The following TMEM131 variants were observed in gnomAD, a reference collection of about 807,000 sequenced individuals.
TMEM131 encodes the protein 2610524E03Rik.
TMEM131 carries 66 observed loss-of-function variants against 211.6 expected under a neutral mutation model. The observed-to-expected ratio is 0.31, with a 90% CI of 0.26 to 0.38. The LOEUF is 0.38. Ranked by LOEUF, TMEM131 falls within the 10% of genes least tolerant of loss-of-function variation. The probability of loss-of-function intolerance (pLI) is 1.00; values close to 1 mark genes in which losing one functional copy is unlikely to be tolerated. For missense variants in TMEM131, 2,036 were observed against 2,299.3 expected, an observed-to-expected ratio of 0.89 and a Z score of 2.34; for synonymous variants, 844 against 841.3, an observed-to-expected ratio of 1.00 and a Z score of -0.06.
intron 4 of TMEM131, among the ~76,000 whole-genome samples, chr2:97,883,719 A>G (rs2104222992): frequency 6.6e-6 from 1 of 152,360 alleles, no homozygotes. Context: ...AATTAAAAAT[A>G]AGTGAATTTA....
intron 1 of TMEM131, among the ~76,000 whole-genome samples, chr2:97,993,365 A>C (rs1680344199): frequency 6.6e-6 from 1 of 152,232 alleles, no homozygotes; most frequent in Admixed American, 6.5e-5. Context: ...CAAATACTGT[A>C]TTTGTGCCTC....
chr2:97,889,978 C>A (rs1034159173), intron 3 of TMEM131, among the ~76,000 whole-genome samples: 1 of 152,120 alleles, frequency 6.6e-6, no homozygotes, highest in African/African-American at 2.4e-5. Flanking sequence ...AAATGCCTCT[C>A]TGAGGAGGGA....
At chr2:97,826,854 A>G (rs1319855125) in intron 11 of TMEM131, among the ~76,000 whole-genome samples, 3 of 152,186 alleles carry the variant, frequency 2.0e-5, no homozygotes, top group African/African-American at 7.2e-5. Flanking sequence ...ACAAGGACAT[A>G]GCCTGAAAGC....
intron 4 of TMEM131, among the ~76,000 whole-genome samples, chr2:97,869,472 C>G (rs1674404269): frequency 6.6e-6 from 1 of 152,192 alleles, no homozygotes. Context: ...AATGAATGAA[C>G]CCTTGCTCAG....
At chr2:97,760,413 A>C in intron 38 of TMEM131, 180 bp downstream of exon 38, 1 of 630,906 alleles carries the variant, frequency 1.6e-6, no homozygotes, top group Non-Finnish European at 2.7e-6. Flanking sequence ...AAGGCACCGC[A>C]GCCGGCTTTC....
chr2:97,985,956 AAAAG>A (rs550886362), intron 1 of TMEM131, among the ~76,000 whole-genome samples: 24 of 152,174 alleles, frequency 1.6e-4, no homozygotes, highest in African/African-American at 5.8e-4. Flanking sequence ...TTAAAAAAAA[AAAAG>A]AGAGTTGCCT....
chr2:97,974,284 T>C (rs996625372), intron 1 of TMEM131, among the ~76,000 whole-genome samples: 1 of 152,020 alleles, frequency 6.6e-6, no homozygotes, highest in Non-Finnish European at 1.5e-5. Flanking sequence ...AGTAGACCCA[T>C]CCAAAATGGA....
At chr2:97,952,776 G>A (rs1678381732) in intron 1 of TMEM131, among the ~76,000 whole-genome samples, 1 of 152,168 alleles carries the variant, frequency 6.6e-6, no homozygotes, top group African/African-American at 2.4e-5. Context: ...CTACTCAGGA[G>A]GCTGAGGTGG....
intron 2 of TMEM131, among the ~76,000 whole-genome samples, chr2:97,915,456 A>G (rs978048632): frequency 6.6e-6 from 1 of 152,110 alleles, no homozygotes; most frequent in Non-Finnish European, 1.5e-5. Context: ...AGTAGCTGGG[A>G]CTACAGGTGC....
chr2:97,833,471 T>C (rs763796370), intron 10 of TMEM131, 45 bp from the exon 11 acceptor site: 3 of 881,548 alleles, frequency 3.4e-6, no homozygotes, highest in South Asian at 1.6e-5. Context: ...AAGGTGCTTT[T>C]TAGCCAAGTT....
chr2:97,927,558 A>T (rs1200969557), intron 1 of TMEM131, 71 bp from the exon 2 acceptor site: 8 of 1,232,264 alleles, frequency 6.5e-6, no homozygotes, highest in Non-Finnish European at 8.7e-6. Context: ...CTTTGACTTT[A>T]AAGTTAATTA....
chr2:97,767,728 A>G (rs1290510020), intron 33 of TMEM131, among the ~76,000 whole-genome samples: 3 of 152,174 alleles, frequency 2.0e-5, no homozygotes, highest in African/African-American at 7.2e-5. Flanking sequence ...GGCATTTTCC[A>G]CATTTCAGTG....
intron 31 of TMEM131, among the ~76,000 whole-genome samples, chr2:97,784,692 TA>T (rs201146603): frequency 0.012 from 1,817 of 151,682 alleles, 40 homozygotes; most frequent in African/African-American, 0.041. Flanking sequence ...TTTACATAAC[TA>T]AAAAAAGAGC....
chr2:97,779,057 T>C (rs1679863169), intron 31 of TMEM131, among the ~76,000 whole-genome samples: 1 of 152,220 alleles, frequency 6.6e-6, no homozygotes, highest in African/African-American at 2.4e-5. Context: ...AATACTGCAG[T>C]CTGGGCCCGA....
chr2:97,759,456 A>G (rs767480298), intron 39 of TMEM131, 196 bp downstream of exon 39: 2 of 583,200 alleles, frequency 3.4e-6, no homozygotes, highest in Non-Finnish European at 6.1e-6. Context: ...CACCGTGTCG[A>G]GCCTGGTCCA....
chr2:97,817,885 C>T (rs1681910226), intron 12 of TMEM131, among the ~76,000 whole-genome samples: 1 of 152,194 alleles, frequency 6.6e-6, no homozygotes, highest in African/African-American at 2.4e-5. Flanking sequence ...AGCTTAATAG[C>T]AGCTACTCAG....
At chr2:97,968,279 C>T (rs886996477) in intron 1 of TMEM131, among the ~76,000 whole-genome samples, 8 of 151,980 alleles carry the variant, frequency 5.3e-5, no homozygotes, top group Non-Finnish European at 1.0e-4. Flanking sequence ...CAGATAAGGG[C>T]GCAGAGGGTC....
chr2:97,933,722 A>C (rs1677325660), intron 1 of TMEM131, among the ~76,000 whole-genome samples: 1 of 152,166 alleles, frequency 6.6e-6, no homozygotes, highest in Non-Finnish European at 1.5e-5. Flanking sequence ...ACTTTTACTC[A>C]AGGTATGCAA....
chr2:97,980,213 T>C (rs983327328), intron 1 of TMEM131, among the ~76,000 whole-genome samples: 2 of 152,192 alleles, frequency 1.3e-5, no homozygotes, highest in Non-Finnish European at 2.9e-5. Context: ...GCCTGAAATA[T>C]TGTGAGACTT....
Sources: gnomAD v4.1 joint callset for allele counts (sites outside exome capture counted in the v4.1 genomes callset) on GRCh38, gnomAD v4.1.1 for gene constraint, MANE v1.5 for transcripts, NCBI Gene and HGNC (gene_info 2026-07-23, HGNC 2026-07-21) for gene names.